Variants in DLGAP2 observed in about 807,000 individuals in gnomAD.
DLGAP2 encodes disks large-associated protein 2.
A neutral mutation model predicts 100.3 loss-of-function variants in DLGAP2; 26 were observed. The observed-to-expected ratio is 0.26, with a 90% CI of 0.19 to 0.36. The LOEUF is 0.36. Among genes scored for constraint, DLGAP2 ranks in the 10% least tolerant of loss-of-function variants. DLGAP2 has a pLI of 1.00. For synonymous variants in DLGAP2, 886 were observed against 630.1 expected, an observed-to-expected ratio of 1.41 and a Z score of -6.08; for missense variants, 1,858 against 1,453.2, an observed-to-expected ratio of 1.28 and a Z score of -4.53.
intron 2 of DLGAP2, chr8:1,137,191 A>T (rs1465249299): frequency 1.3e-5 from 2 of 152,226 alleles, no homozygotes; most frequent in African/African-American, 2.4e-5. Context: ...CCCTCTGTGC[A>T]TGAGTAGGGG....
chr8:1,545,560 G>T (rs1322952564), intron 4 of DLGAP2, among the ~76,000 whole-genome samples: 1 of 152,146 alleles, frequency 6.6e-6, no homozygotes, highest in Non-Finnish European at 1.5e-5. Context: ...TTCACAAAAA[G>T]AAATTACCAG....
At chr8:1,209,763 G>A (rs1194969858) in intron 2 of DLGAP2, among the ~76,000 whole-genome samples, 1 of 152,100 alleles carries the variant, frequency 6.6e-6, no homozygotes, top group Non-Finnish European at 1.5e-5. Context: ...TCATAAGTGA[G>A]CTTATTTTGC....
At chr8:1,319,359 A>C (rs1185664409) in intron 3 of DLGAP2, among the ~76,000 whole-genome samples, 1 of 152,182 alleles carries the variant, frequency 6.6e-6, no homozygotes, top group Non-Finnish European at 1.5e-5. Flanking sequence ...AGGTTCATGC[A>C]GGTGTTGGGA....
At position 852,838 on chromosome 8, in the gene DLGAP2, C is replaced by T. The variant is rs528945576; in HGVS notation, c.19-55074C>T. On this transcript the variant is annotated intron_variant, in intron 1 of 14. Transcript: ENST00000637795. ...CCTTGATGTAGAATTACTGTTGCTT[C>T]ACAAAAGGACCTCATTTACCTTTGT... 2.5e-3 allele frequency among the ~76,000 whole-genome samples: 386 copies of T among 152,346 alleles called. 1 individual carries two copies. Among genetic ancestry groups the T allele is most frequent in the African/African-American group, 8.9e-3 (371 of 41,578 alleles).
chr8:1,007,246 C>T (rs1040786201), intron 2 of DLGAP2, among the ~76,000 whole-genome samples: 4 of 152,222 alleles, frequency 2.6e-5, no homozygotes, highest in African/African-American at 9.6e-5. Flanking sequence ...CCACACTCTT[C>T]ACGTGTCTGC....
At chr8:786,926 A>T (rs11137103) in intron 1 of DLGAP2, among the ~76,000 whole-genome samples, 33,258 of 151,926 alleles carry the variant, frequency 0.22, 4,763 homozygotes, top group African/African-American at 0.4. Context: ...ATGCCTCAAA[A>T]CACTTCTGTC....
intron 3 of DLGAP2, among the ~76,000 whole-genome samples, chr8:1,273,464 A>G (rs796990583): frequency 7.9e-5 from 12 of 152,200 alleles, no homozygotes; most frequent in African/African-American, 2.9e-4. Context: ...CCTTAACTTG[A>G]CGAGTTTTAT....
chr8:1,118,455 A>T (rs1795950851), intron 2 of DLGAP2, among the ~76,000 whole-genome samples: 1 of 152,242 alleles, frequency 6.6e-6, no homozygotes, highest in African/African-American at 2.4e-5. Flanking sequence ...ATTTATTTTC[A>T]GGGCAAAACT....
At chr8:1,693,313 A>G (rs1447685450) in intron 13 of DLGAP2, among the ~76,000 whole-genome samples, 2 of 149,770 alleles carry the variant, frequency 1.3e-5, no homozygotes, top group Non-Finnish European at 3.0e-5. Flanking sequence ...TACATTCTAT[A>G]TATACTGTAT....
At chr8:1,689,635 G>A (rs190481796) in intron 12 of DLGAP2, among the ~76,000 whole-genome samples, 57 of 151,840 alleles carry the variant, frequency 3.8e-4, no homozygotes, top group African/African-American at 1.3e-3. Context: ...AGACTCTCCA[G>A]GGAGAGCAAA....
At chr8:1,482,239 T>C (rs1799118447) in intron 3 of DLGAP2, among the ~76,000 whole-genome samples, 1 of 152,236 alleles carries the variant, frequency 6.6e-6, no homozygotes, top group African/African-American at 2.4e-5. Context: ...TTCAAGTCAC[T>C]GTTTCTCTTT....
At chr8:1,167,744 G>C (rs1381931970) in intron 2 of DLGAP2, among the ~76,000 whole-genome samples, 1 of 152,156 alleles carries the variant, frequency 6.6e-6, no homozygotes, top group East Asian at 1.9e-4. Flanking sequence ...CATCCATTCA[G>C]TTGACAAACA....
At chr8:1,371,183 C>G (rs1301421663) in intron 3 of DLGAP2, among the ~76,000 whole-genome samples, 1 of 152,222 alleles carries the variant, frequency 6.6e-6, no homozygotes, top group African/African-American at 2.4e-5. Flanking sequence ...TGCCTCCGTC[C>G]TGTATGCATT....
chr8:939,937 A>G (rs915064879), intron 2 of DLGAP2, among the ~76,000 whole-genome samples: 1 of 151,878 alleles, frequency 6.6e-6, no homozygotes, highest in Admixed American at 6.6e-5. Context: ...AGGCCTTCCC[A>G]GGGTGAACAC....
intron 4 of DLGAP2, among the ~76,000 whole-genome samples, chr8:1,536,018 C>T (rs73672791): frequency 6.6e-6 from 1 of 152,116 alleles, no homozygotes. Context: ...TATAATGTAA[C>T]AGTCATGACA....
At chr8:984,089 T>C (rs1383186465) in intron 2 of DLGAP2, among the ~76,000 whole-genome samples, 1 of 152,194 alleles carries the variant, frequency 6.6e-6, no homozygotes, top group Non-Finnish European at 1.5e-5. Flanking sequence ...TTTGGGCACC[T>C]GTCCCTACCT....
intron 2 of DLGAP2, among the ~76,000 whole-genome samples, chr8:1,102,326 T>A (rs889574799): frequency 6.8e-6 from 1 of 147,666 alleles, no homozygotes; most frequent in African/African-American, 2.5e-5. Flanking sequence ...ATAATATATA[T>A]AAATTACATA....
At chr8:1,027,114 C>A (rs892650859) in intron 2 of DLGAP2, among the ~76,000 whole-genome samples, 1 of 151,500 alleles carries the variant, frequency 6.6e-6, no homozygotes, top group Admixed American at 6.6e-5. Context: ...TTTTTTTTTA[C>A]GTAAATTGTT....
At chr8:1,206,398 C>T (rs373847164) in intron 2 of DLGAP2, among the ~76,000 whole-genome samples, 1 of 125,652 alleles carries the variant, frequency 8.0e-6, no homozygotes. Context: ...CTCCAGCCAT[C>T]CGTGGACTGG....
Sources: gnomAD v4.1 joint callset for allele counts (sites outside exome capture counted in the v4.1 genomes callset) on GRCh38, gnomAD v4.1.1 for gene constraint, MANE v1.5 for transcripts, NCBI Gene and HGNC (gene_info 2026-07-23, HGNC 2026-07-21) for gene names.